The following LSM14A variants were observed in gnomAD, a reference collection of about 807,000 sequenced individuals.
The protein encoded by LSM14A is LSM14A mRNA processing body assembly factor.
In LSM14A, 14 loss-of-function variants were observed where a neutral mutation model predicts 52.4. That is an observed-to-expected ratio of 0.27 (90% CI 0.18 to 0.42). LSM14A has a LOEUF of 0.42. LSM14A is among the 10% of genes least tolerant of loss of function. LSM14A has a pLI of 1.00. For missense variants in LSM14A, 417 were observed against 581.8 expected, an observed-to-expected ratio of 0.72 and a Z score of 2.91; for synonymous variants, 185 against 200.3, an observed-to-expected ratio of 0.92 and a Z score of 0.64.
chr19:34,187,978 A>G (rs551363851), intron 1 of LSM14A, among the ~76,000 whole-genome samples: 12 of 152,190 alleles, frequency 7.9e-5, no homozygotes, highest in Middle Eastern at 3.4e-3. Flanking sequence ...AATTGATTCT[A>G]TTTTAAGACT....
At position 34,215,268 on chromosome 19, in the gene LSM14A, A is replaced by G. The variant is rs1332097736; in HGVS notation, c.683A>G (p.Gln228Arg). ...ACCAGGCCTTTGCCATCTGCCAGCCAAAAGGCAGGAGAGAATCAGGAGCAC... is the reference window on the plus strand; with the variant it reads ...ACCAGGCCTTTGCCATCTGCCAGCCGAAAGGCAGGAGAGAATCAGGAGCAC... ...VSTRPLPSAS[Q>R]KAGENQEHRR... Residue 228 changes from glutamine (Q) to arginine (R), a missense_variant, in exon 5 of 10, where the codon CAA (glutamine) becomes CGA (arginine). Transcript: ENST00000544216. 6.2e-7 allele frequency: 1 copy of G among 1,613,672 alleles called. No individual in the cohort carries two copies.
At chr19:34,221,169 A>G (rs1243621814) in intron 8 of LSM14A, among the ~76,000 whole-genome samples, 4 of 140,090 alleles carry the variant, frequency 2.9e-5, no homozygotes, top group African/African-American at 1.1e-4. Flanking sequence ...TGCAACCTCC[A>G]CCTCCCAGGT....
At chr19:34,226,457 T>C in intron 9 of LSM14A, 1 of 1,514,818 alleles carries the variant, frequency 6.6e-7, no homozygotes, top group Non-Finnish European at 8.8e-7. Flanking sequence ...CGTACTGCTT[T>C]CTGAAAGGTA....
intron 3 of LSM14A, among the ~76,000 whole-genome samples, chr19:34,201,268 AG>A (rs2071265066): frequency 2.6e-5 from 4 of 152,210 alleles, no homozygotes; most frequent in African/African-American, 7.2e-5. Flanking sequence ...TAGTGTTAGA[AG>A]TTACCAAATG....
At chr19:34,215,325 C>G in intron 5 of LSM14A, 25 bp downstream of exon 5, 3 of 1,569,976 alleles carry the variant, frequency 1.9e-6, no homozygotes, top group Non-Finnish European at 2.6e-6. Flanking sequence ...GTTTACTGTT[C>G]CTTAATTGAC....
intron 9 of LSM14A, among the ~76,000 whole-genome samples, chr19:34,226,763 A>G (rs962536350): frequency 6.6e-6 from 1 of 152,200 alleles, no homozygotes; most frequent in Non-Finnish European, 1.5e-5. Context: ...GTTTAGGGTC[A>G]GTCTCTCTGG....
At chr19:34,215,890 A>T (rs2072548806) in intron 6 of LSM14A, among the ~76,000 whole-genome samples, 3 of 152,146 alleles carry the variant, frequency 2.0e-5, no homozygotes, top group African/African-American at 7.2e-5. Flanking sequence ...ATAAAGACAT[A>T]CCAAAAAATG....
At chr19:34,180,988 T>C (rs2069441318) in intron 1 of LSM14A, among the ~76,000 whole-genome samples, 1 of 152,230 alleles carries the variant, frequency 6.6e-6, no homozygotes, top group Admixed American at 6.5e-5. Context: ...GTGCTTTCTA[T>C]AGCAGTTAAC....
intron 9 of LSM14A, among the ~76,000 whole-genome samples, chr19:34,226,969 A>G (rs774708424): frequency 5.3e-5 from 8 of 152,260 alleles, no homozygotes; most frequent in Admixed American, 2.6e-4. Flanking sequence ...TAGTAAAGAC[A>G]TCAAAGACTT....
intron 1 of LSM14A, among the ~76,000 whole-genome samples, chr19:34,191,926 G>A (rs1041558719): frequency 6.6e-6 from 1 of 152,102 alleles, no homozygotes; most frequent in South Asian, 2.1e-4. Context: ...GTACTGTTTG[G>A]CCATCAGAGA....
intron 1 of LSM14A, among the ~76,000 whole-genome samples, chr19:34,179,917 A>G (rs748900837): frequency 1.3e-5 from 2 of 152,154 alleles, no homozygotes; most frequent in Non-Finnish European, 2.9e-5. Context: ...ACTAGATACC[A>G]TTGAAGTAAA....
chr19:34,190,283 A>C (rs2070267017), intron 1 of LSM14A, among the ~76,000 whole-genome samples: 1 of 152,154 alleles, frequency 6.6e-6, no homozygotes, highest in Admixed American at 6.5e-5. Flanking sequence ...AATCTTATTA[A>C]GCCAGCCTCC....
intron 3 of LSM14A, chr19:34,208,481 GAGTCCATTGTCT>G (rs2071875517): frequency 6.6e-6 from 1 of 152,618 alleles, no homozygotes; most frequent in Non-Finnish European, 1.5e-5. Flanking sequence ...ATTGAAACCA[GAGTCCATTGTCT>G]ATTGCCTTGG....
intron 6 of LSM14A, among the ~76,000 whole-genome samples, chr19:34,216,208 T>C (rs2072575690): frequency 6.6e-6 from 1 of 152,028 alleles, no homozygotes; most frequent in Non-Finnish European, 1.5e-5. Flanking sequence ...GGTCAGGAGC[T>C]CGAGACCAGC....
chr19:34,191,623 A>G (rs1954313823), intron 1 of LSM14A, among the ~76,000 whole-genome samples: 2 of 152,024 alleles, frequency 1.3e-5, no homozygotes, highest in Non-Finnish European at 2.9e-5. Context: ...GCTGCTTGCC[A>G]AAACGTGAAA....
chr19:34,204,285 T>C (rs1449707507), intron 3 of LSM14A, among the ~76,000 whole-genome samples: 2 of 152,342 alleles, frequency 1.3e-5, no homozygotes, highest in African/African-American at 4.8e-5. Context: ...ATACATGGTA[T>C]ATTGTTAAAC....
rs571444520 is a variant in LSM14A, at chr19:34,174,463, C to T, written c.121+1700C>T. ...TAGTATGAAAAACCAGGGAGTACCCCCACATTTCCCTCTTCACCTTGTGAA... is the reference window on the plus strand; with the variant it reads ...TAGTATGAAAAACCAGGGAGTACCCTCACATTTCCCTCTTCACCTTGTGAA... On this transcript the variant is annotated intron_variant, in intron 1 of 9. Coordinates refer to ENST00000544216, the MANE Select transcript of LSM14A (RefSeq NM_015578.4). 3.3e-5 allele frequency among the ~76,000 whole-genome samples: 5 copies of T among 152,284 alleles called. 1 individual carries two copies. The South Asian group carries it at 1.0e-3, about 32-fold the overall frequency.
At chr19:34,185,093 A>G (rs1392559114) in intron 1 of LSM14A, among the ~76,000 whole-genome samples, 4 of 152,244 alleles carry the variant, frequency 2.6e-5, no homozygotes, top group African/African-American at 7.2e-5. Context: ...TATAAGGACA[A>G]GATGGGCTCT....
At chr19:34,187,030 G>C (rs894966260) in intron 1 of LSM14A, among the ~76,000 whole-genome samples, 7 of 151,526 alleles carry the variant, frequency 4.6e-5, no homozygotes, top group Non-Finnish European at 1.0e-4. Flanking sequence ...ATAAGGTCAG[G>C]AGATCGAGAC....
Sources: gnomAD v4.1 joint callset for allele counts (sites outside exome capture counted in the v4.1 genomes callset) on GRCh38, gnomAD v4.1.1 for gene constraint, MANE v1.5 for transcripts, NCBI Gene and HGNC (gene_info 2026-07-23, HGNC 2026-07-21) for gene names.